NCKAP5: variants seen among roughly 807,000 people sequenced by gnomAD.
NCKAP5 encodes NCK associated protein 5, also known as nck-associated protein 5.
NCKAP5 carries 92 observed loss-of-function variants against 167.0 expected under a neutral mutation model. The observed-to-expected ratio is 0.55, with a 90% CI of 0.47 to 0.66. The LOEUF (loss-of-function observed/expected upper bound fraction) is 0.66, where lower values mean the gene tolerates loss of function less well. Ranked by LOEUF, NCKAP5 falls within the 30% of genes least tolerant of loss-of-function variation. The probability of loss-of-function intolerance (pLI) is 0.00; values close to 1 mark genes in which losing one functional copy is unlikely to be tolerated. For missense variants in NCKAP5, 2,378 were observed against 2,315.0 expected (o/e 1.03, Z -0.56); for synonymous variants, 891 against 877.4 (o/e 1.02, Z -0.27).
the NCKAP5 span, among the ~76,000 whole-genome samples, chr2:133,672,187 T>A: frequency 1.3e-5 from 2 of 152,166 alleles, no homozygotes; most frequent in African/African-American, 4.8e-5. Context: ...AAAAGACTTC[T>A]AGGTAAAGCA....
At chr2:133,515,665 G>A (rs1347271909) in intron 3 of NCKAP5, among the ~76,000 whole-genome samples, 1 of 152,334 alleles carries the variant, frequency 6.6e-6, no homozygotes, top group East Asian at 1.9e-4. Flanking sequence ...AGCTAGACTG[G>A]TAATGTGACA....
chr2:133,329,111 T>A (rs1335649199), intron 3 of NCKAP5, among the ~76,000 whole-genome samples: 1 of 152,194 alleles, frequency 6.6e-6, no homozygotes, highest in Non-Finnish European at 1.5e-5. Context: ...GAAAGAGGAA[T>A]TGCATTTTCC....
At chr2:133,484,616 G>A (rs1680744021) in intron 3 of NCKAP5, among the ~76,000 whole-genome samples, 2 of 152,132 alleles carry the variant, frequency 1.3e-5, no homozygotes, top group Admixed American at 1.3e-4. Context: ...GCCACAAGTG[G>A]AAAATTCCAC....
rs749602062 is a variant in NCKAP5, at chr2:133,351,994, C to T, written c.70-48884G>A. 6.6e-5 allele frequency among the ~76,000 whole-genome samples: 10 copies of T among 152,248 alleles called. No individual in the cohort carries two copies. In the South Asian group the frequency reaches 1.9e-3, roughly 28 times the overall value. On this transcript the variant is annotated intron_variant, in intron 3 of 19. Transcript: ENST00000409261. ...ATCATGCCATTCCCTTCCTCAAGCC[C>T]TTCCAAGGTTTTCCATTTTCTATGA...
chr2:132,866,588 C>A (rs1690376357), intron 10 of NCKAP5, among the ~76,000 whole-genome samples: 1 of 152,086 alleles, frequency 6.6e-6, no homozygotes, highest in East Asian at 1.9e-4. Context: ...TATCAGTAGA[C>A]TCTGTTACTT....
At chr2:133,574,586 T>TTGCA in the NCKAP5 span, among the ~76,000 whole-genome samples, 1 of 148,416 alleles carries the variant, frequency 6.7e-6, no homozygotes, top group Admixed American at 6.8e-5. Context: ...TGGGCTGGAG[T>TTGCA]TGCATTTTCT....
chr2:133,468,607 G>C (rs539156206), intron 3 of NCKAP5, among the ~76,000 whole-genome samples: 11 of 152,264 alleles, frequency 7.2e-5, no homozygotes, highest in Middle Eastern at 6.8e-3. Context: ...TGCTGACAGT[G>C]GGGTGTTAAA....
At chr2:133,262,835 G>A (rs1395265140) in intron 4 of NCKAP5, among the ~76,000 whole-genome samples, 2 of 152,150 alleles carry the variant, frequency 1.3e-5, no homozygotes, top group Non-Finnish European at 1.5e-5. Context: ...CTCCAAAAAT[G>A]CCCCTTGGTA....
intron 6 of NCKAP5, among the ~76,000 whole-genome samples, chr2:133,010,002 C>T (rs1283624566): frequency 6.6e-6 from 1 of 151,168 alleles, no homozygotes; most frequent in African/African-American, 2.4e-5. Context: ...ACCCGGGAGG[C>T]AGAGCTTGCA....
intron 15 of NCKAP5, among the ~76,000 whole-genome samples, chr2:132,776,353 T>G (rs1031988140): frequency 6.6e-6 from 1 of 152,206 alleles, no homozygotes; most frequent in East Asian, 1.9e-4. Context: ...CTTTCTCTAA[T>G]TATCATATTT....
intron 5 of NCKAP5, among the ~76,000 whole-genome samples, chr2:133,164,271 C>T (rs930423220): frequency 6.6e-6 from 1 of 152,132 alleles, no homozygotes; most frequent in African/African-American, 2.4e-5. Flanking sequence ...GTTATTTATC[C>T]AAACTGCTGC....
intron 8 of NCKAP5, chr2:132,954,584 T>G: frequency 2.2e-6 from 1 of 446,762 alleles, no homozygotes; most frequent in Non-Finnish European, 4.5e-6. Context: ...CAGTATCCAT[T>G]GAATAAATTT....
intron 16 of NCKAP5, among the ~76,000 whole-genome samples, chr2:132,736,951 A>C (rs1244357108): frequency 6.6e-6 from 1 of 152,178 alleles, no homozygotes; most frequent in Non-Finnish European, 1.5e-5. Flanking sequence ...CACCAATTAC[A>C]TCTCTGATTC....
At chr2:133,563,780 G>A (rs1281732525) in intron 1 of NCKAP5, among the ~76,000 whole-genome samples, 1 of 152,070 alleles carries the variant, frequency 6.6e-6, no homozygotes, top group Non-Finnish European at 1.5e-5. Flanking sequence ...GTCATTGTGG[G>A]TGAATGTGAG....
At chr2:133,276,111 G>C (rs775147141) in intron 4 of NCKAP5, among the ~76,000 whole-genome samples, 1 of 151,766 alleles carries the variant, frequency 6.6e-6, no homozygotes, top group Admixed American at 6.6e-5. Context: ...GATGATCCAC[G>C]TCCATTTCAT....
Position 133,548,329 on chromosome 2 carries a change from C to T in NCKAP5, c.-62+10721G>A, listed in dbSNP as rs934155550. 1.3e-3 allele frequency among the ~76,000 whole-genome samples: 202 copies of T among 152,120 alleles called. 1 individual carries two copies. The highest frequency in any genetic ancestry group is 4.5e-3 in the African/African-American group (187 of 41,494). On this transcript the variant is annotated intron_variant, in intron 2 of 19. Coordinates refer to ENST00000409261, the MANE Select transcript of NCKAP5 (RefSeq NM_207363.3). ...GCAGGATATTATCCAGCAGAACTTC[C>T]CCAATCTAGCAAGGCAGGCCAATGT... is the stretch of plus-strand genomic sequence containing the variant.
chr2:133,015,511 C>G (rs1032716419), intron 6 of NCKAP5, among the ~76,000 whole-genome samples: 28 of 152,170 alleles, frequency 1.8e-4, no homozygotes. Context: ...TCCCTCTGTT[C>G]ATTGTACTAC....
At chr2:132,863,562 G>A (rs1690108751) in intron 10 of NCKAP5, among the ~76,000 whole-genome samples, 1 of 152,078 alleles carries the variant, frequency 6.6e-6, no homozygotes, top group Non-Finnish European at 1.5e-5. Flanking sequence ...CTTAAGGTAT[G>A]GTAAAAGTTC....
intron 11 of NCKAP5, among the ~76,000 whole-genome samples, chr2:132,804,416 T>C (rs1358197194): frequency 1.3e-5 from 2 of 152,092 alleles, no homozygotes; most frequent in Admixed American, 6.6e-5. Flanking sequence ...CCCCGCTGTT[T>C]TGTAAAATTA....
Sources: gnomAD v4.1 joint callset for allele counts (sites outside exome capture counted in the v4.1 genomes callset) on GRCh38, gnomAD v4.1.1 for gene constraint, MANE v1.5 for transcripts, NCBI Gene and HGNC (gene_info 2026-07-23, HGNC 2026-07-21) for gene names.